IMPA1: variants seen among roughly 807,000 people sequenced by gnomAD.
The protein encoded by IMPA1 is D-galactose 1-phosphate phosphatase.
Under a neutral mutation model 34.9 loss-of-function variants are expected in IMPA1, and 21 were observed. The ratio of observed to expected loss-of-function variants is 0.60; its 90% CI spans 0.43 to 0.87. The LOEUF (loss-of-function observed/expected upper bound fraction) is 0.87, where lower values mean the gene tolerates loss of function less well. Ranked by LOEUF, IMPA1 falls within the 40% of genes least tolerant of loss-of-function variation. The pLI is 0.00. For missense variants in IMPA1, 299 were observed against 336.4 expected (o/e 0.89, Z 0.87); for synonymous variants, 95 against 104.4 (o/e 0.91, Z 0.55).
In IMPA1 at chr8:81,676,230, A is replaced by T. The variant is rs139397566; in HGVS notation, c.348+4T>A. 5.7e-5 allele frequency: 75 copies of T among 1,321,174 alleles called. No homozygotes were observed. The highest frequency in any genetic ancestry group is 7.0e-5 in the Non-Finnish European group (67 of 959,880). 81.8% of individuals were successfully genotyped at this position (1,321,174 alleles called of 1,614,324 possible). A position where few individuals can be genotyped will look rare whatever the true frequency, so the allele number is the denominator to read the frequency against. On this transcript the variant is annotated splice_donor_region_variant and intron_variant, in intron 5 of 8. Coordinates refer to ENST00000256108, the MANE Select transcript of IMPA1 (RefSeq NM_005536.4). Reference sequence around the variant, plus strand: ...TAATCAACTATACGTTTAAAAAATCATACCTTTTTATTTACAGCAAAGCCA... The same window carrying T: ...TAATCAACTATACGTTTAAAAAATCTTACCTTTTTATTTACAGCAAAGCCA...
chr8:81,665,876 A>T (rs1053168212), intron 7 of IMPA1, among the ~76,000 whole-genome samples: 4 of 152,244 alleles, frequency 2.6e-5, no homozygotes, highest in African/African-American at 9.6e-5. Context: ...TCAAGTCTCA[A>T]GGCCACAGAA....
rs751136547 is a variant in IMPA1, at chr8:81,660,645, C to T, written c.589G>A (p.Ala197Thr). ...VHGIRSVGTA[A>T]VNMCLVATGG... is the part of the protein sequence containing the mutation. The stretch of plus-strand genomic sequence containing the variant: ...GTTGCCACAAGGCACATATTAACAG[C>T]TGCTGTTCCAACACTCCGGATCCTA... Residue 197 changes from alanine to threonine, a missense_variant, in exon 8 of 9, where the codon GCT (alanine) becomes ACT (threonine). Physicochemically the swap from Ala to Thr is moderately conservative, Grantham distance 58 (BLOSUM62 0). Coordinates refer to ENST00000256108, the MANE Select transcript of IMPA1 (RefSeq NM_005536.4). 1.2e-6 allele frequency: 2 copies of T among 1,612,766 alleles called. No individual in the cohort carries two copies. Among genetic ancestry groups the T allele is most frequent in the South Asian group, 1.1e-5 (1 of 90,900 alleles).
chr8:81,671,510 C>A (rs1369524477), intron 6 of IMPA1, among the ~76,000 whole-genome samples: 1 of 152,116 alleles, frequency 6.6e-6, no homozygotes, highest in Non-Finnish European at 1.5e-5. Flanking sequence ...CACCCAACAC[C>A]CTAGATCTCA....
At position 81,679,210 on chromosome 8, in the gene IMPA1, A is replaced by T. The variant is rs1807219836; in HGVS notation, c.218T>A (p.Val73Glu). The T allele has an allele frequency of 6.2e-7, 1 of 1,613,662 alleles. No homozygotes were observed. The highest frequency in any genetic ancestry group is 1.7e-5 in the Admixed American group (1 of 60,026). ...TAAGATACTTTTTTCCCCAGCTGCC[A>T]CAGATTCTTCACCAATGAAACTAAA... ...PSHSFIGEES[V>E]AAGEKSILTD... Residue 73 changes from valine to glutamate, a missense_variant, in exon 4 of 9, where the codon GTG becomes GAG. Transcript: ENST00000256108.
chr8:81,678,655 G>A, intron 4 of IMPA1: 1 of 189,648 alleles, frequency 5.3e-6, no homozygotes, highest in South Asian at 7.6e-5. Context: ...CTGCGCCATT[G>A]CATCTCAGCC....
chr8:81,681,452 C>T, intron 2 of IMPA1, 46 bp downstream of exon 2: 1 of 1,047,706 alleles, frequency 9.5e-7, no homozygotes, highest in East Asian at 2.4e-5. Flanking sequence ...GTATACCCAC[C>T]AATCACATTA....
intron 5 of IMPA1, chr8:81,674,762 T>A (rs901708203): frequency 2.2e-6 from 1 of 454,226 alleles, no homozygotes; most frequent in African/African-American, 2.0e-5. Context: ...AGGTTGGTTT[T>A]TTACAGTCCA....
At chr8:81,670,821 T>C (rs1404924647) in intron 7 of IMPA1, 118 bp downstream of exon 7, 2 of 553,854 alleles carry the variant, frequency 3.6e-6, no homozygotes, top group East Asian at 3.5e-5. Flanking sequence ...AGAATCTCCC[T>C]ATTCTTTAGA....
At chr8:81,672,735 T>C (rs1041208134) in intron 6 of IMPA1, among the ~76,000 whole-genome samples, 1 of 152,182 alleles carries the variant, frequency 6.6e-6, no homozygotes, top group Non-Finnish European at 1.5e-5. Context: ...GGCCAACAGA[T>C]GTAATAGAGA....
At chr8:81,684,536 TACACATAAG>T (rs1563592414) in intron 1 of IMPA1, among the ~76,000 whole-genome samples, 1 of 109,208 alleles carries the variant, frequency 9.2e-6, no homozygotes, top group African/African-American at 3.7e-5. Context: ...GTATATATAC[TACACATAAG>T]TATCTTTAGA....
At chr8:81,685,058 A>C (rs1388504142) in intron 1 of IMPA1, among the ~76,000 whole-genome samples, 1 of 133,956 alleles carries the variant, frequency 7.5e-6, no homozygotes, top group Non-Finnish European at 1.5e-5. Flanking sequence ...TACTATACAT[A>C]AGTATATTTA....
intron 7 of IMPA1, among the ~76,000 whole-genome samples, chr8:81,664,215 A>G (rs1260077914): frequency 6.6e-6 from 1 of 152,178 alleles, no homozygotes; most frequent in African/African-American, 2.4e-5. Context: ...TTTGGAGAAT[A>G]ATAATAGCAT....
chr8:81,660,664 G>T lies in IMPA1; in HGVS notation c.570C>A (p.Ile190=). ...TAACAGCTGCTGTTCCAACACTCCGGATCCTAACAAATAGAATTTAGAAAT... is the reference window on the plus strand; with the variant it reads ...TAACAGCTGCTGTTCCAACACTCCGTATCCTAACAAATAGAATTTAGAAAT... ...EKLFCIPVHG[I]RSVGTAAVNM... Residue 190 remains isoleucine, a synonymous_variant, in exon 8 of 9, where the codon ATC becomes ATA. Coordinates refer to ENST00000256108, the MANE Select transcript of IMPA1 (RefSeq NM_005536.4). 6.3e-7 allele frequency: 1 copy of T among 1,598,808 alleles called. No individual in the cohort carries two copies. Among genetic ancestry groups the T allele is most frequent in the Non-Finnish European group, 8.5e-7 (1 of 1,171,184 alleles).
At position 81,658,293 on chromosome 8, in the gene IMPA1, T is replaced by C. The variant is rs2130228751; in HGVS notation, c.*1058A>G. The C allele has an allele frequency of 1.3e-5, 2 of 152,328 alleles. 1 individual carries two copies. The allele number at this position is 152,328 out of a possible 1,614,324, so 9.4% of individuals were successfully genotyped here. ...TCTATGAACAAGTACAATTTTCTTT[T>C]TGAGTTCTGCAGAGCAATGACCACT... On this transcript the variant is annotated 3_prime_UTR_variant, in exon 9 of 9. Coordinates refer to ENST00000256108, the MANE Select transcript of IMPA1 (RefSeq NM_005536.4).
intron 5 of IMPA1, among the ~76,000 whole-genome samples, chr8:81,676,032 T>A (rs887874023): frequency 6.6e-6 from 1 of 152,210 alleles, no homozygotes; most frequent in Non-Finnish European, 1.5e-5. Flanking sequence ...TTCTTACAAC[T>A]CCTGCTTCTC....
chr8:81,679,631 A>AT (rs397941546), intron 3 of IMPA1, among the ~76,000 whole-genome samples: 19 of 151,508 alleles, frequency 1.3e-4, no homozygotes, highest in African/African-American at 4.4e-4. Context: ...AAAAAAAAAA[A>AT]TAGCAAAAGT....
chr8:81,666,592 G>A (rs1022225055), intron 7 of IMPA1, among the ~76,000 whole-genome samples: 1 of 152,006 alleles, frequency 6.6e-6, no homozygotes, highest in African/African-American at 2.4e-5. Context: ...AGAAAGCAGG[G>A]GCCAGGCACA....
intron 7 of IMPA1, 52 bp downstream of exon 7, chr8:81,670,887 G>A (rs1047341273): frequency 1.1e-5 from 10 of 872,142 alleles, no homozygotes; most frequent in African/African-American, 3.6e-5. Flanking sequence ...AAAGGTGTGT[G>A]CACACACACA....
At chr8:81,669,490 T>C (rs1806928458) in intron 7 of IMPA1, among the ~76,000 whole-genome samples, 1 of 152,240 alleles carries the variant, frequency 6.6e-6, no homozygotes, top group African/African-American at 2.4e-5. Context: ...TAAGATTTCA[T>C]GTCTGCCCTG....
Sources: allele counts gnomAD v4.1 joint callset (sites outside exome capture counted in the v4.1 genomes callset), GRCh38; gene constraint gnomAD v4.1.1; transcripts MANE v1.5; gene names NCBI Gene and HGNC (gene_info 2026-07-23, HGNC 2026-07-21).